The following ZNF83 variants were observed in gnomAD, a reference collection of about 807,000 sequenced individuals.
ZNF83 encodes zinc finger protein 83.
For missense variants in ZNF83, 552 were observed against 629.9 expected, an observed-to-expected ratio of 0.88 and a Z score of 1.32; for synonymous variants, 209 against 213.0, an observed-to-expected ratio of 0.98 and a Z score of 0.17.
intron 2 of ZNF83, among the ~76,000 whole-genome samples, chr19:52,625,566 A>G (rs142763941): frequency 2.7e-4 from 41 of 152,264 alleles, no homozygotes; most frequent in African/African-American, 8.4e-4. Context: ...CCAACTACAT[A>G]TATCACAGAA....
At chr19:52,633,820 G>A (rs1212933059) in intron 2 of ZNF83, among the ~76,000 whole-genome samples, 1 of 152,078 alleles carries the variant, frequency 6.6e-6, no homozygotes, top group Non-Finnish European at 1.5e-5. Flanking sequence ...TGAGGAAGGC[G>A]AATCACTTGA....
At chr19:52,673,189 A>G (rs1004800645) in intron 1 of ZNF83, among the ~76,000 whole-genome samples, 1 of 152,172 alleles carries the variant, frequency 6.6e-6, no homozygotes, top group Non-Finnish European at 1.5e-5. Flanking sequence ...AGACTGTGCG[A>G]AAGAGCTGGA....
At chr19:52,628,877 T>A (rs906879282) in intron 2 of ZNF83, among the ~76,000 whole-genome samples, 1 of 151,658 alleles carries the variant, frequency 6.6e-6, no homozygotes, top group African/African-American at 2.4e-5. Flanking sequence ...CCCCAACCTC[T>A]TATATCTCTG....
At chr19:52,624,201 A>G (rs1196967439) in intron 2 of ZNF83, among the ~76,000 whole-genome samples, 1 of 151,718 alleles carries the variant, frequency 6.6e-6, no homozygotes, top group African/African-American at 2.4e-5. Context: ...ATGACCTTCT[A>G]CTCTGTAGTC....
chr19:52,634,906 A>C (rs1391089276), intron 2 of ZNF83, among the ~76,000 whole-genome samples, 160 bp downstream of exon 2: 2 of 152,130 alleles, frequency 1.3e-5, no homozygotes, highest in African/African-American at 2.4e-5. Flanking sequence ...CAAGAGATGG[A>C]ATCTAAGTGA....
chr19:52,683,013 G>C (rs2061948121), intron 1 of ZNF83, among the ~76,000 whole-genome samples: 2 of 152,110 alleles, frequency 1.3e-5, no homozygotes, highest in South Asian at 4.1e-4. Context: ...TGAGATTATA[G>C]GCATGTGCCA....
At chr19:52,671,490 C>T (rs971782529) in intron 1 of ZNF83, among the ~76,000 whole-genome samples, 2 of 151,998 alleles carry the variant, frequency 1.3e-5, no homozygotes, top group Non-Finnish European at 2.9e-5. Flanking sequence ...GTCACCCCGG[C>T]TGGAATGCAG....
intron 1 of ZNF83, among the ~76,000 whole-genome samples, chr19:52,680,574 C>T (rs1040395487): frequency 4.0e-5 from 6 of 150,484 alleles, no homozygotes; most frequent in Admixed American, 6.6e-5. Context: ...TTTTTCTCCA[C>T]AGTTGTGTTT....
intron 1 of ZNF83, among the ~76,000 whole-genome samples, chr19:52,669,432 A>G (rs2061694036): frequency 6.6e-6 from 1 of 152,230 alleles, no homozygotes; most frequent in Admixed American, 6.5e-5. Flanking sequence ...TATTAATTAC[A>G]CTAGAGATGC....
rs140320453 is a variant in ZNF83, at chr19:52,656,226, C to CTA, written c.-200-541_-200-540dup. 6.8e-4 allele frequency among the ~76,000 whole-genome samples: 99 copies of CTA among 145,040 alleles called. 1 individual carries two copies. The highest frequency in any genetic ancestry group is 2.1e-3 in the African/African-American group (82 of 38,792). On this transcript the variant is annotated intron_variant, in intron 2 of 5. Coordinates refer to the ZNF83 transcript ENST00000594682. ...AGACTCCGTCTCTCTCTCTCTCTCT[C>CTA]TATATATATATATAGCCAGGCATGG... is the stretch of plus-strand genomic sequence containing the variant.
chr19:52,613,741 T>C lies in ZNF83; in HGVS notation c.824A>G (p.His275Arg), dbSNP rs575275768. 2 of 1,295,066 alleles carry C rather than the reference T, an allele frequency of 1.5e-6. 1 individual carries two copies. 80.2% of individuals were successfully genotyped at this position (1,295,066 alleles called of 1,614,324 possible). A position where few individuals can be genotyped will look rare whatever the true frequency, so the allele number is the denominator to read the frequency against. Residue 275 changes from histidine to arginine, a missense_variant, in exon 3 of 3, where the codon CAC (histidine) becomes CGC (arginine). Coordinates refer to ENST00000301096, the Ensembl canonical transcript of ZNF83. ...GTGGATTCTCTGATGTTGTGCAAGG[T>C]GTGAAATATGATGGAAGACCTTTCC...
intron 1 of ZNF83, among the ~76,000 whole-genome samples, chr19:52,668,777 C>T (rs1002344621): frequency 1.3e-5 from 2 of 152,166 alleles, no homozygotes; most frequent in Non-Finnish European, 2.9e-5. Flanking sequence ...GGCCAGAGGC[C>T]CAGATTGTCC....
chr19:52,687,518 A>T (rs11673566), intron 1 of ZNF83, among the ~76,000 whole-genome samples: 1 of 34,046 alleles, frequency 2.9e-5, no homozygotes, highest in Non-Finnish European at 5.5e-5. Flanking sequence ...ATTATATATA[A>T]ATTTTATATA....
chr19:52,683,218 C>T (rs1328352129), intron 1 of ZNF83, among the ~76,000 whole-genome samples: 2 of 147,710 alleles, frequency 1.4e-5, no homozygotes, highest in African/African-American at 5.1e-5. Context: ...TCCTCAGCTG[C>T]CCTGTGACTC....
At chr19:52,618,322 C>T (rs896913436) in intron 2 of ZNF83, among the ~76,000 whole-genome samples, 11 of 151,598 alleles carry the variant, frequency 7.3e-5, no homozygotes, top group African/African-American at 1.9e-4. Flanking sequence ...TGCAGTGGCA[C>T]GATCTCAGCT....
At chr19:52,629,708 C>T (rs1300899552) in intron 2 of ZNF83, among the ~76,000 whole-genome samples, 1 of 152,072 alleles carries the variant, frequency 6.6e-6, no homozygotes, top group Non-Finnish European at 1.5e-5. Context: ...TATAAAAATC[C>T]AGCCCAGTTC....
chr19:52,680,167 G>A (rs959496909), intron 1 of ZNF83, among the ~76,000 whole-genome samples: 3 of 152,094 alleles, frequency 2.0e-5, no homozygotes, highest in African/African-American at 4.8e-5. Context: ...CAACAAGAGG[G>A]AAACTGTCTC....
intron 1 of ZNF83, among the ~76,000 whole-genome samples, chr19:52,666,737 C>T (rs1223082496): frequency 6.6e-6 from 1 of 151,856 alleles, no homozygotes; most frequent in African/African-American, 2.4e-5. Context: ...ATTCCATTAA[C>T]CCAGCAGGTT....
chr19:52,647,284 A>T (rs1789565663), intron 3 of ZNF83, among the ~76,000 whole-genome samples: 1 of 152,200 alleles, frequency 6.6e-6, no homozygotes, highest in Admixed American at 6.5e-5. Context: ...ATAGATAGGC[A>T]TTTTAAAATT....
Sources: gnomAD v4.1 joint callset for allele counts (sites outside exome capture counted in the v4.1 genomes callset) on GRCh38, gnomAD v4.1.1 for gene constraint, MANE v1.5 for transcripts, NCBI Gene and HGNC (gene_info 2026-07-23, HGNC 2026-07-21) for gene names.